PTPRG: variants seen among roughly 807,000 people sequenced by gnomAD.
The protein encoded by PTPRG is protein tyrosine phosphatase receptor type G, also known as receptor-type tyrosine-protein phosphatase gamma.
In PTPRG, 102 loss-of-function variants were observed where a neutral mutation model predicts 165.3. The observed-to-expected ratio is 0.62, with a 90% CI of 0.53 to 0.73. The LOEUF (loss-of-function observed/expected upper bound fraction) is 0.73, where lower values mean the gene tolerates loss of function less well. Ranked by LOEUF, PTPRG falls within the 30% of genes least tolerant of loss-of-function variation. PTPRG has a pLI of 0.00. For missense variants in PTPRG, 1,866 were observed against 1,861.4 expected, an observed-to-expected ratio of 1.00 and a Z score of -0.05; for synonymous variants, 675 against 669.5, an observed-to-expected ratio of 1.01 and a Z score of -0.13.
intron 2 of PTPRG, among the ~76,000 whole-genome samples, chr3:61,753,069 G>A (rs1023088450): frequency 6.6e-6 from 1 of 152,110 alleles, no homozygotes; most frequent in African/African-American, 2.4e-5. Context: ...CTGGAGATAT[G>A]TATTAGAGTT....
At chr3:61,612,065 C>T (rs1701186129) in intron 1 of PTPRG, among the ~76,000 whole-genome samples, 1 of 152,132 alleles carries the variant, frequency 6.6e-6, no homozygotes, top group Non-Finnish European at 1.5e-5. Context: ...GTCTCAGCCT[C>T]CCGAGTGGCT....
At chr3:61,612,801 G>C (rs967219991) in intron 1 of PTPRG, among the ~76,000 whole-genome samples, 1 of 152,086 alleles carries the variant, frequency 6.6e-6, no homozygotes, top group Non-Finnish European at 1.5e-5. Flanking sequence ...GATGATATCA[G>C]CTTCGGGGGA....
intron 5 of PTPRG, among the ~76,000 whole-genome samples, chr3:62,119,550 G>T (rs1376707056): frequency 1.3e-5 from 2 of 152,172 alleles, no homozygotes; most frequent in East Asian, 3.9e-4. Context: ...CCAGAGGTCG[G>T]CTGGGCCCAG....
intron 4 of PTPRG, among the ~76,000 whole-genome samples, chr3:62,065,952 T>A (rs909473619): frequency 1.3e-5 from 2 of 152,238 alleles, no homozygotes; most frequent in African/African-American, 4.8e-5. Flanking sequence ...TTGTTTTGGA[T>A]GTGTGTTCTC....
rs57167995 is a variant in PTPRG, at chr3:61,949,043, G to GAA, written c.191-40569_191-40568dup. ...GCACTTAACAAAAAAGACAAGCCAA[G>GAA]AAAAAAAAAAAAAAGCCATGGGACC... is the stretch of plus-strand genomic sequence containing the variant. On this transcript the variant is annotated intron_variant, in intron 2 of 29. Transcript: ENST00000474889. Among the ~76,000 whole-genome samples the GAA allele has an allele frequency of 1.1e-3, 136 of 128,658 alleles. 1 individual carries two copies. The East Asian group carries it at 0.018, about 17-fold the overall frequency. 84.4% of individuals were successfully genotyped at this position (128,658 alleles called of 152,430 possible). A position where few individuals can be genotyped will look rare whatever the true frequency, so the allele number is the denominator to read the frequency against.
intron 2 of PTPRG, among the ~76,000 whole-genome samples, chr3:61,816,445 T>C (rs2035765641): frequency 6.6e-6 from 1 of 152,002 alleles, no homozygotes; most frequent in African/African-American, 2.4e-5. Context: ...GGCAGGGGAA[T>C]CACTTGAACC....
At chr3:61,921,971 G>C (rs1431454907) in intron 2 of PTPRG, among the ~76,000 whole-genome samples, 1 of 152,166 alleles carries the variant, frequency 6.6e-6, no homozygotes, top group African/African-American at 2.4e-5. Context: ...TAAGCATCCA[G>C]ATCTGTCTTT....
At chr3:61,926,227 A>C (rs2039207695) in intron 2 of PTPRG, among the ~76,000 whole-genome samples, 1 of 152,182 alleles carries the variant, frequency 6.6e-6, no homozygotes, top group Admixed American at 6.5e-5. Flanking sequence ...CCCAGATCTC[A>C]TGTTCAGTTG....
chr3:62,060,541 C>A (rs984819594), intron 4 of PTPRG, among the ~76,000 whole-genome samples: 2 of 152,216 alleles, frequency 1.3e-5, no homozygotes, highest in African/African-American at 4.8e-5. Context: ...CTCACAGTTG[C>A]ACTTACAGCT....
At chr3:61,971,672 G>A (rs1487736719) in intron 2 of PTPRG, among the ~76,000 whole-genome samples, 1 of 152,190 alleles carries the variant, frequency 6.6e-6, no homozygotes, top group Non-Finnish European at 1.5e-5. Flanking sequence ...TATACTTCCA[G>A]TTAAAAATCC....
At chr3:62,289,646 C>A (rs1016632109) in intron 28 of PTPRG, among the ~76,000 whole-genome samples, 3 of 142,386 alleles carry the variant, frequency 2.1e-5, no homozygotes, top group Non-Finnish European at 3.1e-5. Context: ...AGAGACATTT[C>A]AAAAAAAAAT....
At chr3:61,767,104 C>T (rs939872115) in intron 2 of PTPRG, among the ~76,000 whole-genome samples, 5 of 151,506 alleles carry the variant, frequency 3.3e-5, no homozygotes, top group South Asian at 2.1e-4. Context: ...ATTAGCTGGG[C>T]GTGGTGGTGC....
At chr3:61,815,570 T>C (rs1488658257) in intron 2 of PTPRG, among the ~76,000 whole-genome samples, 1 of 152,144 alleles carries the variant, frequency 6.6e-6, no homozygotes, top group East Asian at 1.9e-4. Flanking sequence ...AATACGAGGT[T>C]ATATATTGAC....
intron 12 of PTPRG, among the ~76,000 whole-genome samples, chr3:62,218,583 T>C (rs1163077513): frequency 1.3e-5 from 2 of 152,178 alleles, no homozygotes; most frequent in African/African-American, 4.8e-5. Context: ...ATGTCTTCTG[T>C]ACAGCTGTCT....
intron 5 of PTPRG, among the ~76,000 whole-genome samples, chr3:62,090,534 C>T (rs1701893751): frequency 6.6e-6 from 1 of 152,126 alleles, no homozygotes; most frequent in South Asian, 2.1e-4. Flanking sequence ...TGTGGTTTCT[C>T]TCTATTTTGA....
chr3:61,875,252 G>A (rs148300274), intron 2 of PTPRG, among the ~76,000 whole-genome samples: 1,687 of 152,180 alleles, frequency 0.011, 33 homozygotes, highest in African/African-American at 0.038. Context: ...CCACATTCTG[G>A]TTCTGCAACT....
chr3:61,899,051 G>A (rs2038433645), intron 2 of PTPRG, among the ~76,000 whole-genome samples: 1 of 152,122 alleles, frequency 6.6e-6, no homozygotes, highest in Admixed American at 6.6e-5. Context: ...TGGGACTATA[G>A]GCACATTCCA....
At chr3:61,837,012 G>A (rs758469573) in intron 2 of PTPRG, among the ~76,000 whole-genome samples, 3 of 152,098 alleles carry the variant, frequency 2.0e-5, no homozygotes, top group Non-Finnish European at 4.4e-5. Flanking sequence ...CTGGGTTAAA[G>A]CGATTCTCCT....
At chr3:61,847,599 G>GA (rs1444300410) in intron 2 of PTPRG, among the ~76,000 whole-genome samples, 1 of 152,208 alleles carries the variant, frequency 6.6e-6, no homozygotes, top group Non-Finnish European at 1.5e-5. Context: ...TATCACTGCA[G>GA]AAAATTCTAA....
Sources: allele counts gnomAD v4.1 joint callset (sites outside exome capture counted in the v4.1 genomes callset), GRCh38; gene constraint gnomAD v4.1.1; transcripts MANE v1.5; gene names NCBI Gene and HGNC (gene_info 2026-07-23, HGNC 2026-07-21).